Variants in SHKBP1 observed in about 807,000 individuals in gnomAD.
The protein encoded by SHKBP1 is SH3KBP1-binding protein 1.
A neutral mutation model predicts 83.9 loss-of-function variants in SHKBP1; 71 were observed. That is an observed-to-expected ratio of 0.85 (90% CI 0.70 to 1.03). The LOEUF (loss-of-function observed/expected upper bound fraction) is 1.03, where lower values mean the gene tolerates loss of function less well. SHKBP1 is among the 50% of genes least tolerant of loss of function. The pLI, the probability that SHKBP1 is intolerant of heterozygous loss-of-function variation, is 0.00. For synonymous variants in SHKBP1, 371 were observed against 398.0 expected (o/e 0.93, Z 0.81); for missense variants, 824 against 982.4 (o/e 0.84, Z 2.16).
In SHKBP1 at chr19:40,590,085, G is replaced by C; in HGVS notation, c.1590-159G>C. On this transcript the variant is annotated intron_variant, in intron 15 of 17. Transcript: ENST00000291842. This position sits in a 1 kb window ranked among gnomAD's most constrained non-coding sequence, Gnocchi z 4.6. ...GTGTTTGGGGCTGCGGTGTCCAAGA[G>C]CTGCTGGACCCTTGGGACTGGAACT... 1.3e-6 allele frequency: 1 copy of C among 776,536 alleles called. No homozygotes were observed. Among genetic ancestry groups the C allele is most frequent in the Non-Finnish European group, 2.0e-6 (1 of 504,838 alleles). The allele number at this position is 776,536 out of a possible 1,614,324, so 48.1% of individuals were successfully genotyped here. A position where few individuals can be genotyped will look rare whatever the true frequency, so the allele number is the denominator to read the frequency against.
At chr19:40,585,523 TTTTC>T (rs1372820254) in intron 12 of SHKBP1, 15 of 151,460 alleles carry the variant, frequency 9.9e-5, no homozygotes, top group Non-Finnish European at 1.2e-4. Flanking sequence ...TATTTCTTTT[TTTTC>T]TTTCTTTCTT....
rs1315086575 is a variant in SHKBP1 at position 40,580,386 on chromosome 19, C to G, written c.463C>G (p.Pro155Ala). The G allele has an allele frequency of 1.9e-6, 3 of 1,614,230 alleles. No homozygotes were observed. The highest frequency in any genetic ancestry group is 2.5e-6 in the Non-Finnish European group (3 of 1,180,040). The change falls in exon 7 of 18, where the codon CCA becomes GCA. Residue 155 changes from proline (P) to alanine (A), a missense_variant. Physicochemically the swap from Pro to Ala is conservative, Grantham distance 27 (BLOSUM62 -1). Around this residue, in one of 3 missense-constraint regions of SHKBP1, gnomAD observed 355 missense variants for 386.4 expected, o/e 0.92. Coordinates refer to ENST00000291842, the MANE Select transcript of SHKBP1 (RefSeq NM_138392.4). The stretch of plus-strand genomic sequence containing the variant: ...GGGGCCTCAGCAGCTAGGAGGACGG[C>G]CAGCCCCTGTCCGACGGAGCAACAC... Reference protein sequence around the residue: ...LVGPQQLGGRPAPVRRSNTMP... With the variant: ...LVGPQQLGGRAAPVRRSNTMP...
Position 40,590,578 on chromosome 19 carries a change from T to G in SHKBP1, c.1769-152T>G. 7.7e-7 allele frequency: 1 copy of G among 1,299,754 alleles called. No homozygotes were observed. The highest frequency in any genetic ancestry group is 1.1e-6 in the Non-Finnish European group (1 of 944,098). 80.5% of individuals were successfully genotyped at this position (1,299,754 alleles called of 1,614,324 possible). ...GCTCCCCATCCCTTCCTGCCCTTGT[T>G]TTTCAACCCCTGTCTCAGCCTCTGG... On this transcript the variant is annotated intron_variant, in intron 16 of 17. Coordinates refer to ENST00000291842, the MANE Select transcript of SHKBP1 (RefSeq NM_138392.4). The surrounding 1 kb of genome is among the most constrained non-coding windows in gnomAD (Gnocchi z 4.6).
In SHKBP1 at chr19:40,580,445, G is replaced by T. The variant is rs760831590; in HGVS notation, c.522G>T (p.Leu174=). ...MPPNLGNAGL[L]GRMLDEKTPP... ...CCAACCTTGGCAATGCAGGGCTGCT[G>T]GGCCGAATGCTGGATGAGAAAACCC... Residue 174 remains leucine (L), a synonymous_variant, in exon 7 of 18, where the codon CTG becomes CTT. Transcript: ENST00000291842. 6.2e-7 allele frequency: 1 copy of T among 1,613,594 alleles called. No homozygotes were observed. Among genetic ancestry groups the T allele is most frequent in the Non-Finnish European group, 8.5e-7 (1 of 1,179,554 alleles).
rs1198974821 is a variant in SHKBP1 at position 40,590,463 on chromosome 19, G to C, written c.1768+41G>C. On this transcript the variant is annotated intron_variant, in intron 16 of 17. Transcript: ENST00000291842. The surrounding 1 kb of genome is among the most constrained non-coding windows in gnomAD (Gnocchi z 4.6). ...CCCCAATCCCGTCCCAAGCCCCACAGCCTCACCCAGAACCACTCTCCACTG... is the reference window on the plus strand; with the variant it reads ...CCCCAATCCCGTCCCAAGCCCCACACCCTCACCCAGAACCACTCTCCACTG... The C allele has an allele frequency of 1.9e-6, 3 of 1,563,518 alleles. No homozygotes were observed. Among genetic ancestry groups the C allele is most frequent in the Middle Eastern group, 2.2e-4 (1 of 4,576 alleles).
At position 40,590,744 on chromosome 19, in the gene SHKBP1, G is replaced by T; in HGVS notation, c.1783G>T (p.Glu595Ter). The T allele has an allele frequency of 6.3e-7, 1 of 1,596,158 alleles. No individual in the cohort carries two copies. ...LGQAPAGGLT[E>*]QELMEQLEHC... Reference sequence around the variant, plus strand: ...GTGCCCCCCAGCAGGTGGCCTGACGGAGCAAGAGCTGATGGAACAGCTGGA... The same window carrying T: ...GTGCCCCCCAGCAGGTGGCCTGACGTAGCAAGAGCTGATGGAACAGCTGGA... Residue 595 changes from glutamate to a stop codon, truncating the protein, a stop_gained, in exon 17 of 18, where the codon GAG (glutamate) becomes TAG (stop). Coordinates refer to ENST00000291842, the MANE Select transcript of SHKBP1 (RefSeq NM_138392.4). LOFTEE classifies it high-confidence loss of function. This position sits in a 1 kb window ranked among gnomAD's most constrained non-coding sequence, Gnocchi z 4.6.
In SHKBP1 at chr19:40,588,673, C is replaced by A. The variant is rs758986146; in HGVS notation, c.1386C>A (p.Arg462=). Reference sequence around the variant, plus strand: ...GGACATGGTCTGTGACTCGCTTCCGCGGCATGATTTCCACCCAGCCCGGCT... The same window carrying A: ...GGACATGGTCTGTGACTCGCTTCCGAGGCATGATTTCCACCCAGCCCGGCT... ...HVRTWSVTRF[R]GMISTQPGST... The change falls in exon 14 of 18, where the codon CGC becomes CGA. Residue 462 remains arginine (R), a synonymous_variant. Transcript: ENST00000291842. 1 of 1,614,136 alleles carries A rather than the reference C, an allele frequency of 6.2e-7. No homozygotes were observed.
rs775420919 is a variant in SHKBP1 at position 40,582,352 on chromosome 19, G to A, written c.846G>A (p.Gly282=). The A allele has an allele frequency of 1.9e-6, 3 of 1,613,902 alleles. No homozygotes were observed. The highest frequency in any genetic ancestry group is 1.7e-6 in the Non-Finnish European group (2 of 1,179,852). Reference sequence around the variant, plus strand: ...CTGAGCCCTTTTTGCCCACTGCAGGGGTCTTTCATCTGGGGGTGCCTGTGG... The same window carrying A: ...CTGAGCCCTTTTTGCCCACTGCAGGAGTCTTTCATCTGGGGGTGCCTGTGG... ...LQAEGGGSEI[G]VFHLGVPVEA... Residue 282 remains glycine, a splice_region_variant and synonymous_variant, in exon 10 of 18, where the codon GGG becomes GGA. Transcript: ENST00000291842.
intron 13 of SHKBP1, 39 bp downstream of exon 13, chr19:40,586,983 G>C: frequency 6.5e-7 from 1 of 1,535,120 alleles, no homozygotes; most frequent in African/African-American, 1.4e-5. Context: ...GGGAGAGACA[G>C]CTCAGATGGG....
At chr19:40,588,488 G>A in intron 13 of SHKBP1, 136 bp from the exon 14 acceptor site, 1 of 1,112,838 alleles carries the variant, frequency 9.0e-7, no homozygotes, top group Non-Finnish European at 1.3e-6. Flanking sequence ...ATTCTGGGGA[G>A]GAAAGGATTC....
At chr19:40,578,054 C>T in intron 4 of SHKBP1, 100 bp from the exon 5 acceptor site, 1 of 957,562 alleles carries the variant, frequency 1.0e-6, no homozygotes, top group Non-Finnish European at 1.7e-6. Context: ...AAACTTTCTA[C>T]CCCTTGACAT....
intron 14 of SHKBP1, 127 bp downstream of exon 14, chr19:40,588,906 G>A: frequency 2.2e-6 from 3 of 1,365,366 alleles, no homozygotes; most frequent in South Asian, 1.3e-5. Flanking sequence ...CCTGATCCTT[G>A]AGGCACCTGA....
intron 6 of SHKBP1, among the ~76,000 whole-genome samples, chr19:40,578,803 TA>T (rs946286860): frequency 2.0e-5 from 3 of 152,036 alleles, no homozygotes; most frequent in African/African-American, 7.2e-5. Context: ...GGTTTCTTTG[TA>T]GGGGGGGCTT....
At chr19:40,582,539 G>A (rs1012904902) in intron 10 of SHKBP1, 73 bp downstream of exon 10, 26 of 1,297,676 alleles carry the variant, frequency 2.0e-5, no homozygotes, top group African/African-American at 1.9e-4. Context: ...AGGGGTTCAC[G>A]TCTGCCCCCA....
At position 40,591,273 on chromosome 19, in the gene SHKBP1, C is replaced by A; in HGVS notation, c.*66C>A. 7.2e-7 allele frequency: 1 copy of A among 1,395,328 alleles called. No individual in the cohort carries two copies. The highest frequency in any genetic ancestry group is 1.5e-5 in the South Asian group (1 of 66,298). 86.4% of individuals were successfully genotyped at this position (1,395,328 alleles called of 1,614,324 possible). A position where few individuals can be genotyped will look rare whatever the true frequency, so the allele number is the denominator to read the frequency against. On this transcript the variant is annotated 3_prime_UTR_variant, in exon 18 of 18. Coordinates refer to ENST00000291842, the MANE Select transcript of SHKBP1 (RefSeq NM_138392.4). ...GGGGGACTCAGGTGCCTCCCTGATT[C>A]CTGTGGGAACCCCGGGTTCAGGGCC...
In SHKBP1 at chr19:40,580,661, T is replaced by G. The variant is rs770041812; in HGVS notation, c.653+5T>G. 9 of 1,614,104 alleles carry G rather than the reference T, an allele frequency of 5.6e-6. No individual in the cohort carries two copies. In the South Asian group the frequency reaches 8.8e-5, roughly 16 times the overall value. On this transcript the variant is annotated splice_donor_5th_base_variant and intron_variant, in intron 8 of 17. Coordinates refer to ENST00000291842, the MANE Select transcript of SHKBP1 (RefSeq NM_138392.4). ...CCAGTTTCTAGTCTGCTACAGGTGC[T>G]TGGGGAGGGAGTGGCAGGAGGTCCC...
At chr19:40,588,541 G>A (rs1465913216) in intron 13 of SHKBP1, 83 bp from the exon 14 acceptor site, 14 of 1,545,930 alleles carry the variant, frequency 9.1e-6, no homozygotes, top group Non-Finnish European at 1.2e-5. Flanking sequence ...CTCCTGAAAC[G>A]GGGCTGTCCT....
Position 40,577,621 on chromosome 19 carries a change from T to G in SHKBP1, c.251T>G (p.Leu84Trp). 6.2e-7 allele frequency: 1 copy of G among 1,614,156 alleles called. No individual in the cohort carries two copies. Among genetic ancestry groups the G allele is most frequent in the Non-Finnish European group, 8.5e-7 (1 of 1,180,016 alleles). The change falls in exon 4 of 18, where the codon TTG becomes TGG. Residue 84 changes from leucine to tryptophan, a missense_variant. Leu to Trp is a moderately conservative substitution (Grantham distance 61, BLOSUM62 -2). Transcript: ENST00000291842. ...PILNFLRTKE[L>W]DPRGVHGSSL... ...CTCAACTTCCTGCGCACCAAAGAGT[T>G]GGATCCCAGGTTGGCATGGAAAAAG...
In SHKBP1 at chr19:40,586,722, G is replaced by A. The variant is rs1053457632; in HGVS notation, c.1166-52G>A. On this transcript the variant is annotated intron_variant, in intron 12 of 17. Transcript: ENST00000291842. ...GTGCCTGTTTCTTTCTCCCTGCCCT[G>A]GTTTCTGTCTCTGTGGCCCAGGCCC... is the stretch of plus-strand genomic sequence containing the variant. 3 of 1,443,964 alleles carry A rather than the reference G, an allele frequency of 2.1e-6. No homozygotes were observed. In the African/African-American group the frequency reaches 4.4e-5, roughly 21 times the overall value. 89.4% of individuals were successfully genotyped at this position (1,443,964 alleles called of 1,614,324 possible).
Sources: gnomAD v4.1 joint callset for allele counts (sites outside exome capture counted in the v4.1 genomes callset) on GRCh38, gnomAD v4.1.1 for gene constraint, gnomAD v4.1.1 regional missense constraint, Gnocchi (gnomAD v3.1) non-coding constraint, MANE v1.5 for transcripts, NCBI Gene and HGNC (gene_info 2026-07-23, HGNC 2026-07-21) for gene names.